ADCK5: variants seen among roughly 807,000 people sequenced by gnomAD.
ADCK5 encodes the protein uncharacterized aarF domain-containing protein kinase 5.
In ADCK5, 43 loss-of-function variants were observed where a neutral mutation model predicts 64.9. The observed-to-expected ratio is 0.66, with a 90% CI of 0.52 to 0.85. The LOEUF (loss-of-function observed/expected upper bound fraction) is 0.85, where lower values mean the gene tolerates loss of function less well. Ranked by LOEUF, ADCK5 falls within the 40% of genes least tolerant of loss-of-function variation. ADCK5 has a pLI of 0.00. For missense variants in ADCK5, 760 were observed against 810.5 expected (o/e 0.94, Z 0.76); for synonymous variants, 434 against 342.8 (o/e 1.27, Z -2.94).
At chr8:144,374,260 C>T (rs1554856708) in intron 1 of ADCK5, among the ~76,000 whole-genome samples, 153 bp downstream of exon 1, 1 of 152,160 alleles carries the variant, frequency 6.6e-6, no homozygotes. Flanking sequence ...CCCTGGAGCG[C>T]AGTGGTGCGA....
chr8:144,385,921 G>A (rs1470983514), intron 3 of ADCK5, among the ~76,000 whole-genome samples: 9 of 150,840 alleles, frequency 6.0e-5, no homozygotes, highest in South Asian at 2.1e-4. Flanking sequence ...CCAAGATCAC[G>A]CCACTGCACT....
At position 144,392,442 on chromosome 8, in the gene ADCK5, C is replaced by G; in HGVS notation, c.1268-3C>G. 1 of 1,501,186 alleles carries G rather than the reference C, an allele frequency of 6.7e-7. No individual in the cohort carries two copies. 93.0% of individuals were successfully genotyped at this position (1,501,186 alleles called of 1,614,324 possible). On this transcript the variant is annotated splice_region_variant and splice_polypyrimidine_tract_variant and intron_variant, in intron 12 of 14. Coordinates refer to ENST00000308860, the MANE Select transcript of ADCK5 (RefSeq NM_174922.5). ...CTCCCTCCCTCCCTCCCTCCCTCCC[C>G]AGACTACCTCCTGTTCGCCGAGATG...
At position 144,376,767 on chromosome 8, in the gene ADCK5, T is replaced by C. The variant is rs2130683005; in HGVS notation, c.13-2620T>C. 6.6e-6 allele frequency among the ~76,000 whole-genome samples: 1 copy of C among 152,294 alleles called. No individual in the cohort carries two copies. The highest frequency in any genetic ancestry group is 1.9e-4 in the East Asian group (1 of 5,188). On this transcript the variant is annotated intron_variant, in intron 1 of 14. Transcript: ENST00000308860. The surrounding 1 kb of genome is among the most constrained non-coding windows in gnomAD (Gnocchi z 5.1). ...CACGACTGCCTGATCTCGGGGCCTC[T>C]AGCCATGCATGCACTGGCACCAGAG...
chr8:144,392,739 T>C (rs1820363243), intron 13 of ADCK5, 37 bp from the exon 14 acceptor site: 1 of 1,587,480 alleles, frequency 6.3e-7, no homozygotes, highest in Non-Finnish European at 8.6e-7. Context: ...GTGGGGCTGG[T>C]GTGGGGCTGA....
At chr8:144,377,906 C>T (rs1325975611) in intron 1 of ADCK5, among the ~76,000 whole-genome samples, 1 of 152,186 alleles carries the variant, frequency 6.6e-6, no homozygotes, top group Non-Finnish European at 1.5e-5. Context: ...GGCCACTGGT[C>T]AGTGGTCTCA....
intron 3 of ADCK5, among the ~76,000 whole-genome samples, chr8:144,386,409 G>A (rs181530434): frequency 6.6e-6 from 1 of 151,952 alleles, no homozygotes; most frequent in Admixed American, 6.6e-5. Flanking sequence ...CCAGGCTGGA[G>A]TGCAATGGTG....
intron 2 of ADCK5, among the ~76,000 whole-genome samples, chr8:144,380,294 G>A (rs1311844324): frequency 1.3e-5 from 2 of 150,998 alleles, no homozygotes; most frequent in African/African-American, 2.4e-5. Context: ...TGGGCCGGGT[G>A]TAGAAACAGA....
chr8:144,374,169 C>T (rs1410978416), intron 1 of ADCK5, 62 bp downstream of exon 1: 14 of 1,239,236 alleles, frequency 1.1e-5, no homozygotes, highest in Non-Finnish European at 1.4e-5. Flanking sequence ...AGACCCGAGA[C>T]CCGCAAGTCC....
At position 144,392,266 on chromosome 8, in the gene ADCK5, C is replaced by T. The variant is rs1554861105; in HGVS notation, c.1188C>T (p.Ala396=). ...YQFLEEKDRA[A]LCQLWRAIIL... ...CATCCACACCCAGGGACCGCGCAGC[C>T]CTCTGCCAGCTGTGGCGGGCCATCA... The change falls in exon 12 of 15, where the codon GCC becomes GCT. Residue 396 remains alanine, a synonymous_variant. Coordinates refer to ENST00000308860, the MANE Select transcript of ADCK5 (RefSeq NM_174922.5). The T allele has an allele frequency of 7.9e-6, 12 of 1,528,052 alleles. No homozygotes were observed. Among genetic ancestry groups the T allele is most frequent in the Non-Finnish European group, 9.6e-6 (11 of 1,140,670 alleles). The allele number at this position is 1,528,052 out of a possible 1,614,324, so 94.7% of individuals were successfully genotyped here. A position where few individuals can be genotyped will look rare whatever the true frequency, so the allele number is the denominator to read the frequency against.
rs939380148 is a variant in ADCK5 at position 144,376,109 on chromosome 8, C to T, written c.12+2002C>T. On this transcript the variant is annotated intron_variant, in intron 1 of 14. Transcript: ENST00000308860. The surrounding 1 kb of genome is among the most constrained non-coding windows in gnomAD (Gnocchi z 5.1). ...GAGAGGATAGTCTGGGTGTGCTGGG[C>T]GCTCCACATTTGGAGGAGACAGGCT... 3.3e-5 allele frequency among the ~76,000 whole-genome samples: 5 copies of T among 152,178 alleles called. No individual in the cohort carries two copies. Among genetic ancestry groups the T allele is most frequent in the South Asian group, 2.1e-4 (1 of 4,826 alleles).
chr8:144,390,860 G>T lies in ADCK5; in HGVS notation c.347G>T (p.Ser116Ile), dbSNP rs782388246. The T allele has an allele frequency of 6.2e-7, 1 of 1,612,918 alleles. No homozygotes were observed. The highest frequency in any genetic ancestry group is 8.5e-7 in the Non-Finnish European group (1 of 1,179,902). Residue 116 changes from serine (S) to isoleucine (I), a missense_variant, in exon 5 of 15, where the codon AGC becomes ATC. By Grantham distance (142) the Ser-to-Ile change is moderately radical. This residue lies in a region of ADCK5 where 427 missense variants were observed against 518.4 expected (regional missense o/e 0.82). Coordinates refer to ENST00000308860, the MANE Select transcript of ADCK5 (RefSeq NM_174922.5). ...TCTCCCCATGCCTGTGGTCAGAACA[G>T]CCCAGGCTACTTGGAGGTGATGTCT... ...NVVLRGVEEN[S>I]PGYLEVMSAC... is the part of the protein sequence containing the mutation.
At chr8:144,381,478 G>A (rs1554858218) in intron 2 of ADCK5, among the ~76,000 whole-genome samples, 1 of 132,912 alleles carries the variant, frequency 7.5e-6, no homozygotes, top group African/African-American at 3.1e-5. Context: ...ATTATGGGCT[G>A]GGTGTAGAAT....
rs1405456476 is a variant in ADCK5, at chr8:144,376,117, A to C, written c.12+2010A>C. Among the ~76,000 whole-genome samples the C allele has an allele frequency of 6.6e-6, 1 of 152,146 alleles. No individual in the cohort carries two copies. The highest frequency in any genetic ancestry group is 1.5e-5 in the Non-Finnish European group (1 of 68,014). On this transcript the variant is annotated intron_variant, in intron 1 of 14. Transcript: ENST00000308860. The surrounding 1 kb of genome is among the most constrained non-coding windows in gnomAD (Gnocchi z 5.1). ...AGTCTGGGTGTGCTGGGCGCTCCAC[A>C]TTTGGAGGAGACAGGCTCTTGCTCA...
intron 2 of ADCK5, among the ~76,000 whole-genome samples, chr8:144,381,720 G>T (rs1266820657): frequency 1.3e-5 from 2 of 149,948 alleles, no homozygotes; most frequent in Non-Finnish European, 3.0e-5. Context: ...GTGTGCTCAG[G>T]CACCTGCTGC....
intron 1 of ADCK5, among the ~76,000 whole-genome samples, chr8:144,375,183 C>T (rs1431609370): frequency 6.6e-6 from 1 of 152,226 alleles, no homozygotes; most frequent in African/African-American, 2.4e-5. Flanking sequence ...CTCCCCAGCC[C>T]CAGCGAGTGG....
intron 3 of ADCK5, among the ~76,000 whole-genome samples, chr8:144,383,961 C>T (rs529424741): frequency 4.1e-5 from 6 of 147,068 alleles, no homozygotes; most frequent in South Asian, 4.3e-4. Flanking sequence ...GGCGCAATCT[C>T]GGCTCACTCA....
At chr8:144,379,355 G>A (rs538420037) in intron 1 of ADCK5, 32 bp from the exon 2 acceptor site, 58 of 1,547,496 alleles carry the variant, frequency 3.7e-5, no homozygotes, top group East Asian at 2.3e-4. Context: ...TCCTGGCCTC[G>A]TTCGACCCCA....
rs1819750536 is a variant in ADCK5, at chr8:144,383,078, C to T, written c.117-3C>T. On this transcript the variant is annotated splice_polypyrimidine_tract_variant and splice_region_variant and intron_variant, in intron 2 of 14. Coordinates refer to ENST00000308860, the MANE Select transcript of ADCK5 (RefSeq NM_174922.5). ...GCCTCCAGGCTGCATTGTCTCTCCTCAGGTTCTCCAGCCCCACACCCCTGT... is the reference window on the plus strand; with the variant it reads ...GCCTCCAGGCTGCATTGTCTCTCCTTAGGTTCTCCAGCCCCACACCCCTGT... 1 of 1,586,620 alleles carries T rather than the reference C, an allele frequency of 6.3e-7. No homozygotes were observed. Among genetic ancestry groups the T allele is most frequent in the African/African-American group, 1.3e-5 (1 of 74,570 alleles).
chr8:144,374,134 C>G (rs1289248386), intron 1 of ADCK5, 27 bp downstream of exon 1: 36 of 1,248,400 alleles, frequency 2.9e-5, no homozygotes, highest in Non-Finnish European at 3.4e-5. Context: ...CCCGGGGCGC[C>G]CGAGATCCTG....
Sources: allele counts gnomAD v4.1 joint callset (sites outside exome capture counted in the v4.1 genomes callset), GRCh38; gene constraint gnomAD v4.1.1; regional missense constraint gnomAD v4.1.1; non-coding constraint Gnocchi (gnomAD v3.1); transcripts MANE v1.5; gene names NCBI Gene and HGNC (gene_info 2026-07-23, HGNC 2026-07-21).